Variants in GABRB2 observed in about 807,000 individuals in gnomAD.
The protein encoded by GABRB2 is gamma-aminobutyric acid receptor subunit beta-2.
In GABRB2, 16 loss-of-function variants were observed where a neutral mutation model predicts 54.7. That is an observed-to-expected ratio of 0.29 (90% confidence interval 0.20 to 0.44). The LOEUF is 0.44. GABRB2 is among the 20% of genes least tolerant of loss of function. GABRB2 has a pLI of 1.00. For missense variants in GABRB2, 355 were observed against 644.0 expected (o/e 0.55, Z 4.86); for synonymous variants, 244 against 233.8 (o/e 1.04, Z -0.40).
At chr5:161,438,452 G>C (rs1580986369) in intron 4 of GABRB2, among the ~76,000 whole-genome samples, 1 of 152,112 alleles carries the variant, frequency 6.6e-6, no homozygotes, top group Non-Finnish European at 1.5e-5. Context: ...AGACACTGAA[G>C]ACCAGAATAC....
At chr5:161,530,720 C>G (rs758578352) in intron 3 of GABRB2, among the ~76,000 whole-genome samples, 18 of 152,054 alleles carry the variant, frequency 1.2e-4, no homozygotes, top group Non-Finnish European at 2.4e-4. Context: ...GAAAATGTGG[C>G]AAGGACTTAA....
At chr5:161,420,762 C>T (rs1234735232) in intron 4 of GABRB2, among the ~76,000 whole-genome samples, 1 of 152,126 alleles carries the variant, frequency 6.6e-6, no homozygotes, top group Non-Finnish European at 1.5e-5. Context: ...CCTCAAATTA[C>T]CCCATTTTCA....
intron 8 of GABRB2, among the ~76,000 whole-genome samples, chr5:161,328,791 C>G (rs915201523): frequency 6.6e-6 from 1 of 152,128 alleles, no homozygotes; most frequent in African/African-American, 2.4e-5. Flanking sequence ...CCTCTACACA[C>G]TAGATACCAG....
chr5:161,546,784 C>G, upstream of GABRB2: 1 of 1,422,770 alleles, frequency 7.0e-7, no homozygotes. Flanking sequence ...TGCCGGGGAC[C>G]GAGCAGATTT....
chr5:161,488,095 C>T (rs1258190200), intron 3 of GABRB2, among the ~76,000 whole-genome samples: 1 of 151,822 alleles, frequency 6.6e-6, no homozygotes. Context: ...CATTGTTCCT[C>T]CTCTATGGCT....
At chr5:161,457,902 C>A (rs1030132462) in intron 4 of GABRB2, among the ~76,000 whole-genome samples, 3 of 152,104 alleles carry the variant, frequency 2.0e-5, no homozygotes, top group African/African-American at 7.2e-5. Context: ...ATGACATGTC[C>A]TGTGCCCTAA....
At chr5:161,371,540 G>C (rs1755133916) in intron 5 of GABRB2, among the ~76,000 whole-genome samples, 1 of 152,164 alleles carries the variant, frequency 6.6e-6, no homozygotes, top group Admixed American at 6.5e-5. Flanking sequence ...CTATGCAACA[G>C]AGCCTTATTC....
intron 3 of GABRB2, among the ~76,000 whole-genome samples, chr5:161,518,855 T>A (rs1238500124): frequency 6.6e-6 from 1 of 152,218 alleles, no homozygotes; most frequent in Non-Finnish European, 1.5e-5. Context: ...ACTCTTTGTA[T>A]CATACCTACA....
At chr5:161,519,141 G>A (rs944671829) in intron 3 of GABRB2, among the ~76,000 whole-genome samples, 3 of 152,072 alleles carry the variant, frequency 2.0e-5, no homozygotes, top group South Asian at 2.1e-4. Context: ...GCCCTTTAGC[G>A]CAAACTAGAA....
chr5:161,367,662 C>A (rs945821385), intron 5 of GABRB2, among the ~76,000 whole-genome samples: 3 of 152,148 alleles, frequency 2.0e-5, no homozygotes, highest in East Asian at 3.9e-4. Context: ...TATGTTGCAT[C>A]TTCCTCAGTT....
rs572933366 is a variant in GABRB2 at position 161,503,525 on chromosome 5, T to C, written c.237+41702A>G. 2.0e-5 allele frequency among the ~76,000 whole-genome samples: 3 copies of C among 151,902 alleles called. 1 individual carries two copies. The highest frequency in any genetic ancestry group is 2.1e-4 in the South Asian group (1 of 4,812). ...GGAGTTTGAGAACAGCCTGACCAAC[T>C]TGGAGAAACCTCGTCTCTACTAAAA... On this transcript the variant is annotated intron_variant, in intron 3 of 9. Coordinates refer to ENST00000393959, the MANE Select transcript of GABRB2 (RefSeq NM_001371727.1).
At chr5:161,503,850 G>T (rs1270313252) in intron 3 of GABRB2, among the ~76,000 whole-genome samples, 2 of 151,688 alleles carry the variant, frequency 1.3e-5, no homozygotes, top group South Asian at 2.1e-4. Context: ...ATACACACAG[G>T]TATGAAAGAA....
chr5:161,447,839 A>G (rs779378803), intron 4 of GABRB2, among the ~76,000 whole-genome samples: 1 of 152,106 alleles, frequency 6.6e-6, no homozygotes, highest in Non-Finnish European at 1.5e-5. Flanking sequence ...TTTTCTCCCC[A>G]TGGGAAATAA....
chr5:161,348,730 T>C (rs2113429994), intron 5 of GABRB2, among the ~76,000 whole-genome samples: 1 of 152,222 alleles, frequency 6.6e-6, no homozygotes, highest in East Asian at 1.9e-4. Flanking sequence ...TGTCTTCCTC[T>C]GTAGTAGAAG....
chr5:161,524,841 G>A (rs1198973193), intron 3 of GABRB2, among the ~76,000 whole-genome samples: 2 of 151,086 alleles, frequency 1.3e-5, no homozygotes, highest in Non-Finnish European at 3.0e-5. Context: ...TCCATAAAAT[G>A]TATTTAGCTA....
chr5:161,443,944 A>G (rs1465602295), intron 4 of GABRB2, among the ~76,000 whole-genome samples: 2 of 152,160 alleles, frequency 1.3e-5, no homozygotes, highest in African/African-American at 4.8e-5. Context: ...AGAAGAGCCA[A>G]TTTGGGTGGG....
intron 8 of GABRB2, among the ~76,000 whole-genome samples, chr5:161,328,639 G>A (rs1361344752): frequency 1.3e-5 from 2 of 152,104 alleles, no homozygotes; most frequent in South Asian, 2.1e-4. Flanking sequence ...GCTGCTCAAA[G>A]AAAATGGAGA....
At chr5:161,401,640 A>C (rs2113081813) in intron 5 of GABRB2, among the ~76,000 whole-genome samples, 1 of 152,334 alleles carries the variant, frequency 6.6e-6, no homozygotes, top group African/African-American at 2.4e-5. Flanking sequence ...TACATTAGAA[A>C]AATGCTGCCC....
intron 3 of GABRB2, among the ~76,000 whole-genome samples, chr5:161,514,745 C>T (rs989036244): frequency 5.3e-5 from 8 of 152,154 alleles, no homozygotes; most frequent in African/African-American, 1.9e-4. Flanking sequence ...CCAGATGTCT[C>T]AGCCAAGATT....
Sources: allele counts gnomAD v4.1 joint callset (sites outside exome capture counted in the v4.1 genomes callset), GRCh38; gene constraint gnomAD v4.1.1; transcripts MANE v1.5; gene names NCBI Gene and HGNC (gene_info 2026-07-23, HGNC 2026-07-21).